The following PDE10A variants were observed in gnomAD, a reference collection of about 807,000 sequenced individuals.
PDE10A encodes phosphodiesterase 10A, also known as cAMP and cAMP-inhibited cGMP 3',5'-cyclic phosphodiesterase 10A.
Under a neutral mutation model 97.7 loss-of-function variants are expected in PDE10A, and 39 were observed. The ratio of observed to expected loss-of-function variants is 0.40; its 90% CI spans 0.31 to 0.52. PDE10A has a LOEUF of 0.52. PDE10A is among the 20% of genes least tolerant of loss of function. The probability of loss-of-function intolerance (pLI) is 0.56; values close to 1 mark genes in which losing one functional copy is unlikely to be tolerated. For synonymous variants in PDE10A, 371 were observed against 376.8 expected (o/e 0.98, Z 0.18); for missense variants, 731 against 1,047.8 (o/e 0.70, Z 4.17).
chr6:165,335,998 G>A (rs1781621291), intron 21 of PDE10A, 125 bp downstream of exon 21: 2 of 791,762 alleles, frequency 2.5e-6, no homozygotes, highest in Admixed American at 4.0e-5. Context: ...CCGAGTCCCT[G>A]AGCACAACAA....
intron 1 of PDE10A, among the ~76,000 whole-genome samples, chr6:165,602,388 T>C (rs1257811397): frequency 6.6e-6 from 1 of 152,086 alleles, no homozygotes; most frequent in African/African-American, 2.4e-5. Flanking sequence ...CCCTTCGGTC[T>C]CTCTCGGGGA....
At chr6:165,376,077 C>T (rs1784588014) in intron 18 of PDE10A, among the ~76,000 whole-genome samples, 1 of 152,204 alleles carries the variant, frequency 6.6e-6, no homozygotes, top group Admixed American at 6.5e-5. Flanking sequence ...TAACTTTGTC[C>T]TTCAAGTCCT....
At chr6:165,645,927 C>A (rs1789374647) in intron 1 of PDE10A, among the ~76,000 whole-genome samples, 1 of 150,560 alleles carries the variant, frequency 6.6e-6, no homozygotes, top group South Asian at 2.1e-4. Context: ...AATTTGACTA[C>A]AAATAGTTTC....
chr6:165,556,154 A>G (rs1784242278), intron 1 of PDE10A, among the ~76,000 whole-genome samples: 2 of 152,206 alleles, frequency 1.3e-5, no homozygotes, highest in Non-Finnish European at 2.9e-5. Context: ...TTAAGTTTTT[A>G]GGGAGGGAAA....
intron 1 of PDE10A, among the ~76,000 whole-genome samples, chr6:165,968,239 G>T (rs567114070): frequency 6.6e-6 from 1 of 152,332 alleles, no homozygotes; most frequent in South Asian, 2.1e-4. Flanking sequence ...TATTGTGCAG[G>T]ATTCACCAGC....
chr6:165,778,670 C>T (rs542329590), intron 1 of PDE10A, among the ~76,000 whole-genome samples: 2 of 152,304 alleles, frequency 1.3e-5, no homozygotes, highest in African/African-American at 4.8e-5. Flanking sequence ...TTTACTTTGC[C>T]ATCAATAACG....
chr6:165,614,151 C>T lies in PDE10A; in HGVS notation c.865+47796G>A, dbSNP rs374139993. On this transcript the variant is annotated intron_variant, in intron 1 of 21. Coordinates refer to ENST00000539869, the MANE Select transcript of PDE10A (RefSeq NM_001385079.1). ...CTCCTAAACACTTTGCTGGTTTAGTCCACCACTCTACTGACTATTCCCTGC... is the reference window on the plus strand; with the variant it reads ...CTCCTAAACACTTTGCTGGTTTAGTTCACCACTCTACTGACTATTCCCTGC... Among the ~76,000 whole-genome samples, 58 of 152,318 alleles carry T rather than the reference C, an allele frequency of 3.8e-4. 1 individual carries two copies. The highest frequency in any genetic ancestry group is 1.3e-3 in the African/African-American group (55 of 41,568).
At chr6:165,540,731 G>A (rs1340365438) in intron 2 of PDE10A, among the ~76,000 whole-genome samples, 1 of 152,172 alleles carries the variant, frequency 6.6e-6, no homozygotes, top group Non-Finnish European at 1.5e-5. Context: ...CCAGGTTCAC[G>A]CGATTATTGT....
In PDE10A at chr6:165,894,500, G is replaced by A. The variant is rs371893498; in HGVS notation, c.-615+93029C>T. The stretch of plus-strand genomic sequence containing the variant: ...GGAAAACCTAGATTTATAGCCCTTC[G>A]TGTGCAAAAGATGTGGGAGGGAGTT... On this transcript the variant is annotated intron_variant, in intron 1 of 19. Transcript: ENST00000366882. 127 of 456,064 alleles carry A rather than the reference G, an allele frequency of 2.8e-4. No homozygotes were observed. The East Asian group carries it at 3.3e-3, about 12-fold the overall frequency. 28.3% of individuals were successfully genotyped at this position (456,064 alleles called of 1,614,324 possible).
At chr6:165,657,588 G>GT (rs1202099385) in intron 1 of PDE10A, among the ~76,000 whole-genome samples, 1 of 152,206 alleles carries the variant, frequency 6.6e-6, no homozygotes, top group Non-Finnish European at 1.5e-5. Flanking sequence ...GTTGCACTGA[G>GT]TTTTTTCCCT....
intron 1 of PDE10A, among the ~76,000 whole-genome samples, chr6:165,969,752 C>T (rs971028960): frequency 2.1e-4 from 32 of 152,162 alleles, no homozygotes; most frequent in African/African-American, 7.7e-4. Flanking sequence ...CCTGAAGGAG[C>T]TCCCACTGCC....
intron 1 of PDE10A, among the ~76,000 whole-genome samples, chr6:165,890,277 G>A (rs1269955772): frequency 6.6e-6 from 1 of 152,136 alleles, no homozygotes; most frequent in East Asian, 1.9e-4. Flanking sequence ...CTTGATGGCA[G>A]CAATCACTGG....
intron 21 of PDE10A, among the ~76,000 whole-genome samples, chr6:165,334,328 C>T (rs1025438626): frequency 8.2e-4 from 123 of 149,632 alleles, no homozygotes; most frequent in East Asian, 4.6e-3. Context: ...GCCGGGCACG[C>T]GCCTCCATAG....
intron 1 of PDE10A, among the ~76,000 whole-genome samples, chr6:165,925,914 C>T (rs1782918006): frequency 6.6e-6 from 1 of 152,150 alleles, no homozygotes; most frequent in African/African-American, 2.4e-5. Flanking sequence ...TGGATTTTAT[C>T]AATGCCAATA....
chr6:165,855,337 C>T (rs1780702027), intron 1 of PDE10A, among the ~76,000 whole-genome samples: 1 of 150,616 alleles, frequency 6.6e-6, no homozygotes, highest in Non-Finnish European at 1.5e-5. Context: ...GGCGCTGCCT[C>T]CTGTGGATCA....
intron 15 of PDE10A, 146 bp downstream of exon 15, chr6:165,395,035 T>A (rs543285004): frequency 1.9e-6 from 1 of 529,090 alleles, no homozygotes; most frequent in South Asian, 2.8e-5. Context: ...CCCTTTTTTA[T>A]TGGAATATTT....
chr6:165,600,308 G>C lies in PDE10A; in HGVS notation c.866-56740C>G, dbSNP rs149860098. 3.9e-4 allele frequency among the ~76,000 whole-genome samples: 60 copies of C among 152,316 alleles called. No individual in the cohort carries two copies. In the East Asian group the frequency reaches 0.01, roughly 26 times the overall value. ...CGGGAGAGGGAGAGTGGCCAGCCAG[G>C]GCAGGGCTCTGAAGGACGATTGTCC... On this transcript the variant is annotated intron_variant, in intron 1 of 21. Transcript: ENST00000539869.
intron 18 of PDE10A, among the ~76,000 whole-genome samples, chr6:165,351,872 G>C (rs1757734572): frequency 6.6e-6 from 1 of 151,810 alleles, no homozygotes; most frequent in Non-Finnish European, 1.5e-5. Context: ...AATTTTTTTT[G>C]AGACTGAGTC....
chr6:165,712,702 C>T (rs141708691), intron 1 of PDE10A, among the ~76,000 whole-genome samples: 5,444 of 140,488 alleles, frequency 0.039, 280 homozygotes, highest in Admixed American at 0.17. Flanking sequence ...TGCAGCGGCG[C>T]GATCTCGGCT....
Sources: allele counts gnomAD v4.1 joint callset (sites outside exome capture counted in the v4.1 genomes callset), GRCh38; gene constraint gnomAD v4.1.1; transcripts MANE v1.5; gene names NCBI Gene and HGNC (gene_info 2026-07-23, HGNC 2026-07-21).